KALRN: variants seen among roughly 807,000 people sequenced by gnomAD.
KALRN encodes the protein kalirin RhoGEF kinase.
A neutral mutation model predicts 353.7 loss-of-function variants in KALRN; 70 were observed. That is an observed-to-expected ratio of 0.20 (90% CI 0.16 to 0.24). The LOEUF (loss-of-function observed/expected upper bound fraction) is 0.24, where lower values mean the gene tolerates loss of function less well. Ranked by LOEUF, KALRN falls within the 10% of genes least tolerant of loss-of-function variation. The probability of loss-of-function intolerance (pLI) is 1.00; values close to 1 mark genes in which losing one functional copy is unlikely to be tolerated. For synonymous variants in KALRN, 1,391 were observed against 1,434.8 expected (o/e 0.97, Z 0.69); for missense variants, 2,791 against 3,756.7 (o/e 0.74, Z 6.72).
At chr3:124,541,943 C>T (rs1227189050) in intron 33 of KALRN, among the ~76,000 whole-genome samples, 2 of 152,084 alleles carry the variant, frequency 1.3e-5, no homozygotes, top group African/African-American at 4.8e-5. Context: ...GATGGTGCCA[C>T]TGCACTCCAG....
chr3:124,656,424 C>T (rs2150162167), intron 39 of KALRN, among the ~76,000 whole-genome samples: 1 of 152,212 alleles, frequency 6.6e-6, no homozygotes, highest in South Asian at 2.1e-4. Context: ...TCCTGGCTAA[C>T]ACGGTGAAAC....
chr3:124,123,975 C>G (rs993617699), intron 1 of KALRN, among the ~76,000 whole-genome samples: 1 of 152,208 alleles, frequency 6.6e-6, no homozygotes, highest in Non-Finnish European at 1.5e-5. Flanking sequence ...ATAAATGTTG[C>G]TTTCATGCCT....
intron 1 of KALRN, among the ~76,000 whole-genome samples, chr3:124,200,607 G>C (rs934411344): frequency 6.6e-6 from 1 of 152,234 alleles, no homozygotes. Context: ...CAGGGGGACA[G>C]AAACTTTCAT....
At chr3:124,106,149 A>G (rs1168742341) in intron 1 of KALRN, among the ~76,000 whole-genome samples, 1 of 152,204 alleles carries the variant, frequency 6.6e-6, no homozygotes, top group Non-Finnish European at 1.5e-5. Flanking sequence ...GGATTGAACA[A>G]AGAGTGCAGA....
intron 31 of KALRN, 22 bp from the exon 32 acceptor site, chr3:124,492,718 C>T: frequency 1.2e-6 from 2 of 1,611,776 alleles, no homozygotes; most frequent in Non-Finnish European, 1.7e-6. Flanking sequence ...GGTTCTCAGT[C>T]TTTCTCCCTG....
At chr3:124,066,399 G>C (rs1221963555) in intron 1 of KALRN, among the ~76,000 whole-genome samples, 1 of 152,296 alleles carries the variant, frequency 6.6e-6, no homozygotes, top group East Asian at 1.9e-4. Flanking sequence ...GTGAAAATGG[G>C]TTCATTAGAT....
At chr3:124,243,323 G>T (rs939407829) in intron 3 of KALRN, among the ~76,000 whole-genome samples, 1 of 152,172 alleles carries the variant, frequency 6.6e-6, no homozygotes, top group Non-Finnish European at 1.5e-5. Context: ...TGTAGGGAGT[G>T]GGGAAGAGCT....
At chr3:124,524,421 G>A (rs1443662976) in intron 33 of KALRN, among the ~76,000 whole-genome samples, 3 of 152,200 alleles carry the variant, frequency 2.0e-5, no homozygotes, top group African/African-American at 4.8e-5. Flanking sequence ...GACATTCCAT[G>A]TGTGGACCAT....
chr3:124,096,816 T>C (rs1395223675), intron 1 of KALRN: 4 of 152,238 alleles, frequency 2.6e-5, no homozygotes, highest in Non-Finnish European at 5.9e-5. Flanking sequence ...TGTTAGTGCA[T>C]ATACAGTGTC....
intron 26 of KALRN, among the ~76,000 whole-genome samples, chr3:124,475,112 A>C (rs1427333844): frequency 2.0e-5 from 3 of 152,224 alleles, no homozygotes; most frequent in African/African-American, 7.2e-5. Context: ...TGGTAGGTGT[A>C]TATATTTATG....
intron 37 of KALRN, among the ~76,000 whole-genome samples, chr3:124,643,390 A>G (rs926784404): frequency 3.9e-5 from 6 of 152,088 alleles, no homozygotes; most frequent in Non-Finnish European, 2.9e-5. Flanking sequence ...AAGCTTTTCA[A>G]CTGTGTATTG....
chr3:124,491,635 A>C (rs552087450), intron 31 of KALRN: 88 of 386,198 alleles, frequency 2.3e-4, no homozygotes, highest in South Asian at 2.0e-3. Context: ...AAGTGCATGC[A>C]CATGTGTGAC....
chr3:124,069,255 G>A (rs4678079), intron 1 of KALRN, among the ~76,000 whole-genome samples: 144,376 of 151,174 alleles, frequency 0.96, 69,297 homozygotes, highest in East Asian at 1. Flanking sequence ...GTCTATTTCT[G>A]TAGTCCACAT....
intron 1 of KALRN, among the ~76,000 whole-genome samples, chr3:124,037,922 G>T (rs576943623): frequency 8.4e-4 from 128 of 152,088 alleles, no homozygotes; most frequent in Non-Finnish European, 1.5e-3. Flanking sequence ...ATGAAGCATG[G>T]GGGGGGCGAC....
chr3:124,174,295 C>T (rs1364115181), intron 1 of KALRN, among the ~76,000 whole-genome samples: 1 of 151,896 alleles, frequency 6.6e-6, no homozygotes, highest in Non-Finnish European at 1.5e-5. Flanking sequence ...ATGCCTGGCC[C>T]TGGTGGTGTG....
chr3:124,685,738 TG>T (rs1194651812), intron 51 of KALRN, among the ~76,000 whole-genome samples: 1 of 152,178 alleles, frequency 6.6e-6, no homozygotes, highest in African/African-American at 2.4e-5. Flanking sequence ...TTACATGAGT[TG>T]GAAATGTCTG....
At chr3:124,354,952 G>A (rs181244036) in intron 10 of KALRN, among the ~76,000 whole-genome samples, 1 of 152,306 alleles carries the variant, frequency 6.6e-6, no homozygotes, top group East Asian at 1.9e-4. Flanking sequence ...GAGGACCATA[G>A]TCTGCTCCAT....
chr3:124,647,275 TTC>T (rs2082881066), intron 37 of KALRN, among the ~76,000 whole-genome samples: 1 of 152,026 alleles, frequency 6.6e-6, no homozygotes, highest in Non-Finnish European at 1.5e-5. Context: ...TTCTCCAGGA[TTC>T]TGTTTTCACT....
chr3:124,348,430 T>C (rs2082494790), intron 10 of KALRN, among the ~76,000 whole-genome samples: 1 of 152,138 alleles, frequency 6.6e-6, no homozygotes, highest in African/African-American at 2.4e-5. Flanking sequence ...GGAGCATTAC[T>C]GCATCTCTAG....
Sources: gnomAD v4.1 joint callset for allele counts (sites outside exome capture counted in the v4.1 genomes callset) on GRCh38, gnomAD v4.1.1 for gene constraint, MANE v1.5 for transcripts, NCBI Gene and HGNC (gene_info 2026-07-23, HGNC 2026-07-21) for gene names.